CDK5RAP2: variants seen among roughly 807,000 people sequenced by gnomAD.
CDK5RAP2 encodes CDK5 regulatory subunit associated protein 2, also known as CDK5 regulatory subunit-associated protein 2.
Under a neutral mutation model 232.9 loss-of-function variants are expected in CDK5RAP2, and 147 were observed. The observed-to-expected ratio is 0.63, with a 90% CI of 0.55 to 0.72. CDK5RAP2 has a LOEUF of 0.72. Ranked by LOEUF, CDK5RAP2 falls within the 30% of genes least tolerant of loss-of-function variation. CDK5RAP2 has a pLI of 0.00. For synonymous variants in CDK5RAP2, 833 were observed against 833.7 expected (o/e 1.00, Z 0.01); for missense variants, 2,195 against 2,231.5 (o/e 0.98, Z 0.33).
At chr9:120,562,604 G>A (rs1441861354) in intron 3 of CDK5RAP2, among the ~76,000 whole-genome samples, 5 of 151,992 alleles carry the variant, frequency 3.3e-5, no homozygotes, top group South Asian at 2.1e-4. Context: ...CTCCTGCCAT[G>A]TTCTAAGTTC....
At chr9:120,389,628 G>T in intron 37 of CDK5RAP2, 113 bp downstream of exon 37, 1 of 998,650 alleles carries the variant, frequency 1.0e-6, no homozygotes, top group Non-Finnish European at 1.6e-6. Context: ...ACTCTCTGAG[G>T]AGGACATGTC....
At chr9:120,466,191 G>A (rs754637425) in intron 18 of CDK5RAP2, among the ~76,000 whole-genome samples, 14 of 152,092 alleles carry the variant, frequency 9.2e-5, no homozygotes, top group Non-Finnish European at 1.8e-4. Flanking sequence ...ATGCTGCTTG[G>A]GAAATGCTGT....
At chr9:120,559,105 G>T (rs1417972957) in intron 3 of CDK5RAP2, among the ~76,000 whole-genome samples, 1 of 152,042 alleles carries the variant, frequency 6.6e-6, no homozygotes, top group African/African-American at 2.4e-5. Flanking sequence ...TATAAAAAAG[G>T]GATTATTATA....
At chr9:120,533,394 C>T (rs975513558) in intron 7 of CDK5RAP2, among the ~76,000 whole-genome samples, 2 of 152,138 alleles carry the variant, frequency 1.3e-5, no homozygotes, top group African/African-American at 2.4e-5. Flanking sequence ...CCAACATGTG[C>T]CAACTGAAGG....
intron 5 of CDK5RAP2, among the ~76,000 whole-genome samples, chr9:120,541,660 C>T (rs2041638190): frequency 6.6e-6 from 1 of 152,236 alleles, no homozygotes; most frequent in African/African-American, 2.4e-5. Context: ...AGGCACAGCA[C>T]ACTCTGGAGG....
At chr9:120,541,253 C>T (rs2041620123) in intron 5 of CDK5RAP2, among the ~76,000 whole-genome samples, 2 of 152,128 alleles carry the variant, frequency 1.3e-5, no homozygotes, top group Non-Finnish European at 2.9e-5. Flanking sequence ...GCAAATAGGC[C>T]GTCTCCCTCC....
Position 120,437,426 on chromosome 9 carries a change from T to C in CDK5RAP2, c.3824A>G (p.Asn1275Ser). 1 of 1,614,128 alleles carries C rather than the reference T, an allele frequency of 6.2e-7. No homozygotes were observed. Among genetic ancestry groups the C allele is most frequent in the Non-Finnish European group, 8.5e-7 (1 of 1,179,974 alleles). ...GICVISRQHM[N>S]TMIKAFEELL... is the part of the protein sequence containing the mutation. ...CTCCTCAAATGCCTTAATCATGGTG[T>C]TCATGTGTTGACGGGAGATGACACA... Residue 1275 changes from asparagine (N) to serine (S), a missense_variant, in exon 25 of 38, where the codon AAC becomes AGC. By Grantham distance (46) the Asn-to-Ser change is conservative (BLOSUM62 1). Coordinates refer to ENST00000349780, the MANE Select transcript of CDK5RAP2 (RefSeq NM_018249.6).
chr9:120,424,659 C>A (rs1216297453), intron 25 of CDK5RAP2, among the ~76,000 whole-genome samples: 4 of 151,710 alleles, frequency 2.6e-5, no homozygotes, highest in Non-Finnish European at 5.9e-5. Flanking sequence ...ACTAGCCAGG[C>A]AAACAAAGTA....
Position 120,403,526 on chromosome 9 carries a change from G to C in CDK5RAP2, c.5042-455C>G. 3 of 278,286 alleles carry C rather than the reference G, an allele frequency of 1.1e-5. No homozygotes were observed. In the South Asian group the frequency reaches 1.2e-4, roughly 11 times the overall value. 17.2% of individuals were successfully genotyped at this position (278,286 alleles called of 1,614,324 possible). On this transcript the variant is annotated intron_variant, in intron 33 of 37. Coordinates refer to ENST00000349780, the MANE Select transcript of CDK5RAP2 (RefSeq NM_018249.6). The surrounding 1 kb of genome is among the most constrained non-coding windows in gnomAD (Gnocchi z 4.2). The stretch of plus-strand genomic sequence containing the variant: ...GCATTTGAACTGGATTGAGCAAGTA[G>C]CAAGAATTACACGAATGATGAGTCA...
intron 3 of CDK5RAP2, 88 bp downstream of exon 3, chr9:120,568,233 T>C: frequency 9.6e-7 from 1 of 1,040,928 alleles, no homozygotes; most frequent in East Asian, 2.4e-5. Context: ...CGAACTTAGA[T>C]CTCAAGAAAC....
rs749735697 is a variant in CDK5RAP2 at position 120,545,724 on chromosome 9, T to A, written c.373A>T (p.Ile125Phe). ...RELQEREQLLIKASKAVESLA... is the reference protein window; with the variant it reads ...RELQEREQLLFKASKAVESLA... ...GATGATGGTACTCACGAGGCTTTGA[T>A]GAGCAGCTGCTCTCTCTCCTGGAGT... Residue 125 changes from isoleucine (I) to phenylalanine (F), a missense_variant, in exon 5 of 38, where the codon ATC (isoleucine) becomes TTC (phenylalanine). Physicochemically the swap from Ile to Phe is conservative, Grantham distance 21. Coordinates refer to ENST00000349780, the MANE Select transcript of CDK5RAP2 (RefSeq NM_018249.6). The A allele has an allele frequency of 3.1e-6, 5 of 1,613,642 alleles. No individual in the cohort carries two copies. Among genetic ancestry groups the A allele is most frequent in the Admixed American group, 3.3e-5 (2 of 60,028 alleles).
chr9:120,465,398 A>C (rs921350654), intron 18 of CDK5RAP2, among the ~76,000 whole-genome samples: 4 of 152,180 alleles, frequency 2.6e-5, no homozygotes, highest in African/African-American at 7.2e-5. Context: ...TTAAATGTAC[A>C]CAGCAACAAC....
chr9:120,520,165 T>C (rs1472436358), intron 11 of CDK5RAP2, among the ~76,000 whole-genome samples: 2 of 152,248 alleles, frequency 1.3e-5, no homozygotes, highest in Non-Finnish European at 2.9e-5. Context: ...AGCATTCTAC[T>C]AAAAATAGCA....
At chr9:120,497,315 T>C (rs2039337074) in intron 12 of CDK5RAP2, among the ~76,000 whole-genome samples, 1 of 119,686 alleles carries the variant, frequency 8.4e-6, no homozygotes, top group Non-Finnish European at 1.6e-5. Flanking sequence ...CCAGAGACCT[T>C]TGTTCACTTG....
At chr9:120,499,438 CAT>C (rs1397814942) in intron 12 of CDK5RAP2, among the ~76,000 whole-genome samples, 4 of 151,956 alleles carry the variant, frequency 2.6e-5, no homozygotes, top group Non-Finnish European at 4.4e-5. Context: ...TATCAGAACA[CAT>C]GATTATAGAT....
At chr9:120,510,396 A>T (rs2040022960) in intron 12 of CDK5RAP2, among the ~76,000 whole-genome samples, 1 of 152,178 alleles carries the variant, frequency 6.6e-6, no homozygotes, top group African/African-American at 2.4e-5. Context: ...TAGTCTGGGG[A>T]ATATGGCCAA....
chr9:120,539,357 C>A (rs2041531693), intron 5 of CDK5RAP2, among the ~76,000 whole-genome samples, 193 bp from the exon 6 acceptor site: 1 of 152,186 alleles, frequency 6.6e-6, no homozygotes, highest in Non-Finnish European at 1.5e-5. Context: ...ATAATCTTGT[C>A]ACTCAGGATA....
rs1374394020 is a variant in CDK5RAP2 at position 120,453,123 on chromosome 9, A to G, written c.2793+333T>C. Among the ~76,000 whole-genome samples the G allele has an allele frequency of 2.0e-5, 3 of 152,226 alleles. No homozygotes were observed. The East Asian group carries it at 5.8e-4, about 29-fold the overall frequency. On this transcript the variant is annotated intron_variant, in intron 21 of 37. Transcript: ENST00000349780. ...TACAAGGAAAGATGTTCCTCATAACATGAAAGAGACAGCTACAGACAGATA... is the reference window on the plus strand; with the variant it reads ...TACAAGGAAAGATGTTCCTCATAACGTGAAAGAGACAGCTACAGACAGATA...
At chr9:120,457,340 A>G (rs2036839170) in intron 20 of CDK5RAP2, among the ~76,000 whole-genome samples, 1 of 152,180 alleles carries the variant, frequency 6.6e-6, no homozygotes, top group Admixed American at 6.5e-5. Context: ...CCTGGTTCAC[A>G]TCACCCAAGT....
Sources: gnomAD v4.1 joint callset for allele counts (sites outside exome capture counted in the v4.1 genomes callset) on GRCh38, gnomAD v4.1.1 for gene constraint, Gnocchi (gnomAD v3.1) non-coding constraint, MANE v1.5 for transcripts, NCBI Gene and HGNC (gene_info 2026-07-23, HGNC 2026-07-21) for gene names.